RAD51D: variants seen among roughly 807,000 people sequenced by gnomAD.
RAD51D encodes the protein RAD51 paralog D, also known as DNA repair protein RAD51 homolog 4.
Under a neutral mutation model 44.1 loss-of-function variants are expected in RAD51D, and 38 were observed. The ratio of observed to expected loss-of-function variants is 0.86; its 90% CI spans 0.67 to 1.13. The LOEUF (loss-of-function observed/expected upper bound fraction) is 1.13, where lower values mean the gene tolerates loss of function less well. Among genes scored for constraint, RAD51D ranks in the 50% most tolerant of loss-of-function variants. The pLI, the probability that RAD51D is intolerant of heterozygous loss-of-function variation, is 0.00. For missense variants in RAD51D, 390 were observed against 414.0 expected, an observed-to-expected ratio of 0.94 and a Z score of 0.50; for synonymous variants, 141 against 166.6, an observed-to-expected ratio of 0.85 and a Z score of 1.18.
chr17:35,113,633 C>A, intron 3 of RAD51D: 1 of 408,908 alleles, frequency 2.4e-6, no homozygotes, highest in South Asian at 1.8e-5. Context: ...AGTCAAAACA[C>A]TCTGGTTACC....
Position 35,094,856 on chromosome 17 carries a change from A to G in RAD51D, c.*6097T>C, listed in dbSNP as rs2091477206. The G allele has an allele frequency of 6.6e-6, 1 of 152,052 alleles. No homozygotes were observed. Among genetic ancestry groups the G allele is most frequent in the Admixed American group, 6.6e-5 (1 of 15,266 alleles). 9.4% of individuals were successfully genotyped at this position (152,052 alleles called of 1,614,324 possible). ...AGACATGCATCAAGGGCCTAAGGAT[A>G]CATAATAGAGCCTTGATTAACTCGT... On this transcript the variant is annotated 3_prime_UTR_variant, in exon 10 of 10. Transcript: ENST00000345365.
At chr17:35,115,962 A>AAAGG (rs1491484372) in intron 3 of RAD51D, among the ~76,000 whole-genome samples, 2 of 141,960 alleles carry the variant, frequency 1.4e-5, no homozygotes, top group Non-Finnish European at 1.6e-5. Context: ...GAAAGGAAAG[A>AAAGG]AAGAAAGAAA....
At chr17:35,118,147 G>A (rs1597876076) in intron 3 of RAD51D, among the ~76,000 whole-genome samples, 1 of 152,216 alleles carries the variant, frequency 6.6e-6, no homozygotes, top group Non-Finnish European at 1.5e-5. Context: ...GCCTCCCAGG[G>A]GACATTTAGC....
intron 3 of RAD51D, among the ~76,000 whole-genome samples, chr17:35,116,211 A>AC (rs1412861930): frequency 6.6e-6 from 1 of 151,982 alleles, no homozygotes; most frequent in East Asian, 1.9e-4. Context: ...GGACTCACAT[A>AC]CCCCAGGCCA....
chr17:35,103,259 CTGCCA>C lies in RAD51D; in HGVS notation c.728_732del (p.Met243SerfsTer82). 6.2e-7 allele frequency: 1 copy of C among 1,609,296 alleles called. No individual in the cohort carries two copies. Among genetic ancestry groups the C allele is most frequent in the Non-Finnish European group, 8.5e-7 (1 of 1,178,208 alleles). On this transcript the variant is annotated frameshift_variant, in exon 8 of 10. Coordinates refer to ENST00000345365, the MANE Select transcript of RAD51D (RefSeq NM_002878.4). LOFTEE classifies it high-confidence loss of function. This position sits in a 1 kb window ranked among gnomAD's most constrained non-coding sequence, Gnocchi z 4.1. ...GGCCAAGCCTGCTTCCTCACCACCA[CTGCCA>C]TGCCAAGGTCCCGGGCCAGGGTCTT...
intron 3 of RAD51D, among the ~76,000 whole-genome samples, chr17:35,116,640 G>A (rs553158859): frequency 1.3e-5 from 2 of 151,934 alleles, no homozygotes; most frequent in South Asian, 4.2e-4. Context: ...GACTACAGGC[G>A]CCCGCCACCA....
rs28363295 is a variant in RAD51D, at chr17:35,100,486, A to G, written c.*467T>C. On this transcript the variant is annotated 3_prime_UTR_variant, in exon 10 of 10. Transcript: ENST00000345365. Reference sequence around the variant, plus strand: ...CAGTAACTCAGAGACAGAGCTAAGGAAGAGTGGGCCCCCATCTAACAAATG... The same window carrying G: ...CAGTAACTCAGAGACAGAGCTAAGGGAGAGTGGGCCCCCATCTAACAAATG... 1 of 535,968 alleles carries G rather than the reference A, an allele frequency of 1.9e-6. No homozygotes were observed. The highest frequency in any genetic ancestry group is 2.2e-5 in the Admixed American group (1 of 45,092). The allele number at this position is 535,968 out of a possible 1,614,324, so 33.2% of individuals were successfully genotyped here.
chr17:35,118,603 C>A lies in RAD51D; in HGVS notation c.161G>T (p.Arg54Met), dbSNP rs876658172. ...GLSYKALVALRRVLLAQFSAF... is the reference protein window; with the variant it reads ...GLSYKALVALMRVLLAQFSAF... ...CGAGAACTGAGCCAGCAGCACCCGC[C>A]TCAGGGCAACCAGGGCCTGCCAAAG... The change falls in exon 3 of 10, where the codon AGG (arginine) becomes ATG (methionine). Residue 54 changes from arginine (R) to methionine (M), a missense_variant. Coordinates refer to ENST00000345365, the MANE Select transcript of RAD51D (RefSeq NM_002878.4). 3.7e-6 allele frequency: 6 copies of A among 1,614,230 alleles called. No homozygotes were observed. The highest frequency in any genetic ancestry group is 5.1e-6 in the Non-Finnish European group (6 of 1,180,042).
Position 35,097,508 on chromosome 17 carries a change from T to TGG in RAD51D, c.*3444_*3445insCC, listed in dbSNP as rs1377972198. ...ATATATATGTGTGTATATGTGTGTG[T>TGG]GTGTGTGTGTATATATATATATATA... is the stretch of plus-strand genomic sequence containing the variant. On this transcript the variant is annotated 3_prime_UTR_variant, in exon 10 of 10. Transcript: ENST00000345365. 1 of 150,578 alleles carries TGG rather than the reference T, an allele frequency of 6.6e-6. No individual in the cohort carries two copies. The highest frequency in any genetic ancestry group is 2.5e-5 in the African/African-American group (1 of 40,816). 9.3% of individuals were successfully genotyped at this position (150,578 alleles called of 1,614,324 possible). A position where few individuals can be genotyped will look rare whatever the true frequency, so the allele number is the denominator to read the frequency against.
chr17:35,111,390 TAA>T (rs372105981), intron 3 of RAD51D, among the ~76,000 whole-genome samples: 4 of 140,316 alleles, frequency 2.9e-5, no homozygotes, highest in Admixed American at 7.2e-5. Context: ...AAACTCCGTC[TAA>T]AAAAAAAAAA....
At chr17:35,118,728 G>A in intron 2 of RAD51D, 109 bp from the exon 3 acceptor site, 2 of 866,772 alleles carry the variant, frequency 2.3e-6, no homozygotes, top group East Asian at 2.4e-5. Flanking sequence ...GCTCCCTTTG[G>A]CTTGGGATGG....
chr17:35,105,438 G>A (rs1313589147), intron 6 of RAD51D, among the ~76,000 whole-genome samples: 2 of 152,152 alleles, frequency 1.3e-5, no homozygotes, highest in Non-Finnish European at 2.9e-5. Flanking sequence ...TTACAGGTGT[G>A]GGCCACCACT....
rs774128458 is a variant in RAD51D, at chr17:35,099,871, G to A, written c.*1082C>T. ...CCAGGGTCATGGCTCTCAGACGGATGGCCACAGTGCTGGTGAAAGACAGAG... is the reference window on the plus strand; with the variant it reads ...CCAGGGTCATGGCTCTCAGACGGATAGCCACAGTGCTGGTGAAAGACAGAG... On this transcript the variant is annotated 3_prime_UTR_variant, in exon 10 of 10. Coordinates refer to ENST00000345365, the MANE Select transcript of RAD51D (RefSeq NM_002878.4). The A allele has an allele frequency of 5.6e-4, 287 of 513,140 alleles. No homozygotes were observed. The highest frequency in any genetic ancestry group is 8.3e-4 in the Non-Finnish European group (219 of 262,694). The allele number at this position is 513,140 out of a possible 1,614,324, so 31.8% of individuals were successfully genotyped here. A position where few individuals can be genotyped will look rare whatever the true frequency, so the allele number is the denominator to read the frequency against.
rs779767249 is a variant in RAD51D at position 35,118,962 on chromosome 17, C to A, written c.144+149G>T. 13 of 756,974 alleles carry A rather than the reference C, an allele frequency of 1.7e-5. No homozygotes were observed. The African/African-American group carries it at 2.2e-4, about 13-fold the overall frequency. The allele number at this position is 756,974 out of a possible 1,614,324, so 46.9% of individuals were successfully genotyped here. A position where few individuals can be genotyped will look rare whatever the true frequency, so the allele number is the denominator to read the frequency against. ...TTCACCATGTTGGCCTGGATGGTCT[C>A]GAACTCCTGACTTCTGACTCCAAGT... On this transcript the variant is annotated intron_variant, in intron 2 of 9. Transcript: ENST00000345365.
At chr17:35,106,563 C>G in intron 5 of RAD51D, 82 bp from the exon 6 acceptor site, 1 of 1,025,962 alleles carries the variant, frequency 9.7e-7, no homozygotes. Context: ...GGAAGAGGCA[C>G]CTGGATGCAA....
chr17:35,115,266 C>A (rs376500781), intron 3 of RAD51D: 1 of 518,350 alleles, frequency 1.9e-6, no homozygotes, highest in Admixed American at 1.9e-5. Flanking sequence ...CATTCACACA[C>A]CACTTCAATG....
At chr17:35,110,685 T>C (rs2091663422) in intron 3 of RAD51D, among the ~76,000 whole-genome samples, 1 of 152,230 alleles carries the variant, frequency 6.6e-6, no homozygotes, top group Admixed American at 6.5e-5. Flanking sequence ...ACACATTGTT[T>C]CTGTACCCTT....
chr17:35,116,860 G>A lies in RAD51D; in HGVS notation c.263+1641C>T, dbSNP rs142387263. 4.3e-5 allele frequency: 66 copies of A among 1,523,974 alleles called. No individual in the cohort carries two copies. The highest frequency in any genetic ancestry group is 1.7e-4 in the Middle Eastern group (1 of 5,930). The allele number at this position is 1,523,974 out of a possible 1,614,324, so 94.4% of individuals were successfully genotyped here. Reference sequence around the variant, plus strand: ...TGACGAATAAATGAAATAATGTACCGTGAAGTGCTGACCGCAGTGCCTCGT... The same window carrying A: ...TGACGAATAAATGAAATAATGTACCATGAAGTGCTGACCGCAGTGCCTCGT... On this transcript the variant is annotated intron_variant, in intron 3 of 9. Coordinates refer to ENST00000345365, the MANE Select transcript of RAD51D (RefSeq NM_002878.4).
In RAD51D at chr17:35,101,189, G is replaced by A. The variant is rs1417869713; in HGVS notation, c.903+12C>T. 6.2e-7 allele frequency: 1 copy of A among 1,614,086 alleles called. No individual in the cohort carries two copies. Among genetic ancestry groups the A allele is most frequent in the South Asian group, 1.1e-5 (1 of 91,080 alleles). On this transcript the variant is annotated intron_variant, in intron 9 of 9. Coordinates refer to ENST00000345365, the MANE Select transcript of RAD51D (RefSeq NM_002878.4). Reference sequence around the variant, plus strand: ...GCCCAAGATTACTGGCATCTTCCTGGGGCTGGCTCACCTGTCGGGAAGATT... The same window carrying A: ...GCCCAAGATTACTGGCATCTTCCTGAGGCTGGCTCACCTGTCGGGAAGATT...
Sources: gnomAD v4.1 joint callset for allele counts (sites outside exome capture counted in the v4.1 genomes callset) on GRCh38, gnomAD v4.1.1 for gene constraint, Gnocchi (gnomAD v3.1) non-coding constraint, MANE v1.5 for transcripts, NCBI Gene and HGNC (gene_info 2026-07-23, HGNC 2026-07-21) for gene names.